PNMA8A: variants seen among roughly 807,000 people sequenced by gnomAD.
PNMA8A encodes the protein PNMA family member 8A.
In PNMA8A, 17 loss-of-function variants were observed where a neutral mutation model predicts 26.6. That is an observed-to-expected ratio of 0.64 (90% CI 0.44 to 0.96). The LOEUF (loss-of-function observed/expected upper bound fraction) is 0.96. Among genes scored for constraint, PNMA8A ranks in the 40% least tolerant of loss-of-function variants. PNMA8A has a pLI of 0.00. For synonymous variants in PNMA8A, 224 were observed against 182.0 expected (o/e 1.23, Z -1.86); for missense variants, 532 against 488.4 (o/e 1.09, Z -0.84).
chr19:46,471,270 A>C, intron 1 of PNMA8A, 67 bp downstream of exon 1: 2 of 425,100 alleles, frequency 4.7e-6, no homozygotes, highest in Non-Finnish European at 4.2e-6. Flanking sequence ...GTGTCCCTGA[A>C]TCTGCAGCAA....
Position 46,466,535 on chromosome 19 carries a change from G to A in PNMA8A, c.*2026C>T, listed in dbSNP as rs1003684111. On this transcript the variant is annotated 3_prime_UTR_variant, in exon 3 of 3. Coordinates refer to ENST00000313683, the MANE Select transcript of PNMA8A (RefSeq NM_018215.4). ...GCTAAACTTTATTTTATACATACAC[G>A]TTTACATTTACTAGTCATGGTGTCA... 4 of 152,060 alleles carry A rather than the reference G, an allele frequency of 2.6e-5. No individual in the cohort carries two copies. The highest frequency in any genetic ancestry group is 2.1e-4 in the South Asian group (1 of 4,828). The allele number at this position is 152,060 out of a possible 1,614,324, so 9.4% of individuals were successfully genotyped here. A position where few individuals can be genotyped will look rare whatever the true frequency, so the allele number is the denominator to read the frequency against.
chr19:46,469,627 T>C (rs1969753565), intron 2 of PNMA8A, 106 bp downstream of exon 2: 3 of 1,292,296 alleles, frequency 2.3e-6, no homozygotes, highest in Non-Finnish European at 3.1e-6. Flanking sequence ...CATCACCCGC[T>C]TGACCCACCA....
At position 46,470,232 on chromosome 19, in the gene PNMA8A, T is replaced by C. The variant is rs201910769; in HGVS notation, c.804A>G (p.Thr268=). ...CCACCTCAGGATCCTCCAAGTTAGC[T>C]GTGCTGTTGGAATTGATGCCTTTGG... is the stretch of plus-strand genomic sequence containing the variant. ...KKPKGINSNS[T]ANLEDPEVGD... Residue 268 remains threonine, a synonymous_variant, in exon 2 of 3, where the codon ACA becomes ACG. Coordinates refer to ENST00000313683, the MANE Select transcript of PNMA8A (RefSeq NM_018215.4). The C allele has an allele frequency of 1.2e-6, 2 of 1,614,156 alleles. No homozygotes were observed. The highest frequency in any genetic ancestry group is 4.5e-5 in the East Asian group (2 of 44,886).
In PNMA8A at chr19:46,470,543, C is replaced by G; in HGVS notation, c.493G>C (p.Asp165His). Residue 165 changes from aspartate to histidine, a missense_variant, in exon 2 of 3, where the codon GAT becomes CAT. Physicochemically the swap from Asp to His is moderately conservative, Grantham distance 81. Transcript: ENST00000313683. ...TCCTCCCGGCTGCGGATCTCGGCATCCATGCAGAAGATGATCTGCACCACT... is the reference window on the plus strand; with the variant it reads ...TCCTCCCGGCTGCGGATCTCGGCATGCATGCAGAAGATGATCTGCACCACT... Reference protein sequence around the residue: ...GAVVQIIFCMDAEIRSREEAR... With the variant: ...GAVVQIIFCMHAEIRSREEAR... 1.2e-6 allele frequency: 2 copies of G among 1,614,074 alleles called. No homozygotes were observed. Among genetic ancestry groups the G allele is most frequent in the Non-Finnish European group, 1.7e-6 (2 of 1,180,032 alleles).
rs1236712591 is a variant in PNMA8A, at chr19:46,468,253, T to C, written c.*308A>G. On this transcript the variant is annotated 3_prime_UTR_variant, in exon 3 of 3. Coordinates refer to ENST00000313683, the MANE Select transcript of PNMA8A (RefSeq NM_018215.4). ...ATGAGTGTAACAGTGACCCTGCTCA[T>C]GCATAAAGGGGAATGAATGTTCTAG... 2 of 401,894 alleles carry C rather than the reference T, an allele frequency of 5.0e-6. No individual in the cohort carries two copies. The highest frequency in any genetic ancestry group is 2.0e-5 in the African/African-American group (1 of 50,160). The allele number at this position is 401,894 out of a possible 1,614,324, so 24.9% of individuals were successfully genotyped here.
Position 46,470,728 on chromosome 19 carries a change from T to C in PNMA8A, c.308A>G (p.Asp103Gly). The change falls in exon 2 of 3, where the codon GAT (aspartate) becomes GGT (glycine). Residue 103 changes from aspartate (D) to glycine (G), a missense_variant. Asp to Gly is a moderately conservative substitution (Grantham distance 94, BLOSUM62 -1). Transcript: ENST00000313683. ...ATTCAGATTTTTTAAAAACTCGGCA[T>C]CCTGGGTAGGGTCTCTACAGACCAC... ...WRVVCRDPTQ[D>G]AEFLKNLNEF... The C allele has an allele frequency of 1.1e-6, 1 of 893,924 alleles. No homozygotes were observed. Among genetic ancestry groups the C allele is most frequent in the Non-Finnish European group, 1.9e-6 (1 of 521,332 alleles). The allele number at this position is 893,924 out of a possible 1,614,324, so 55.4% of individuals were successfully genotyped here.
chr19:46,469,648 C>A, intron 2 of PNMA8A, 85 bp downstream of exon 2: 1 of 1,421,908 alleles, frequency 7.0e-7, no homozygotes. Flanking sequence ...CCTCCTCGGG[C>A]TCCTCTGCCC....
chr19:46,471,229 T>G (rs1969789134), intron 1 of PNMA8A, 108 bp downstream of exon 1: 2 of 523,170 alleles, frequency 3.8e-6, no homozygotes, highest in African/African-American at 1.9e-5. Flanking sequence ...CCCAACACCC[T>G]CCTCCCCAAC....
rs1181942999 is a variant in PNMA8A, at chr19:46,469,978, A to C, written c.1058T>G (p.Val353Gly). ...CATGGGAGCGGGGTTCTTGGCAGAC[A>C]CCCAGGCCACGGCCTTCTTCTTTGG... is the stretch of plus-strand genomic sequence containing the variant. ...SPPKKKAVAW[V>G]SAKNPAPMRK... is the part of the protein sequence containing the mutation. Residue 353 changes from valine (V) to glycine (G), a missense_variant, in exon 2 of 3, where the codon GTG becomes GGG. Val to Gly is a moderately radical substitution (Grantham distance 109). Coordinates refer to ENST00000313683, the MANE Select transcript of PNMA8A (RefSeq NM_018215.4). The C allele has an allele frequency of 7.4e-6, 12 of 1,611,446 alleles. No individual in the cohort carries two copies. The highest frequency in any genetic ancestry group is 1.0e-5 in the Non-Finnish European group (12 of 1,178,904).
Position 46,471,345 on chromosome 19 carries a change from T to C in PNMA8A, c.-88A>G, listed in dbSNP as rs6509275. 0.97 allele frequency: 233,581 copies of C among 239,930 alleles called. 113,744 individuals are homozygous for C. The highest frequency in any genetic ancestry group is 1 in the East Asian group (12,282 of 12,284). 14.9% of individuals were successfully genotyped at this position (239,930 alleles called of 1,614,324 possible). ...GCCCAGCCGGGACTTACTTGGCAGA[T>C]CAGCCTCCGACCGCCCAGCCAGGCC... On this transcript the variant is annotated 5_prime_UTR_variant, in exon 1 of 3. Transcript: ENST00000313683.
In PNMA8A at chr19:46,470,520, C is replaced by A. The variant is rs777561203; in HGVS notation, c.516G>T (p.Glu172Asp). The change falls in exon 2 of 3, where the codon GAG becomes GAT. Residue 172 changes from glutamate to aspartate, a missense_variant. Transcript: ENST00000313683. ...CAGCGGCCTCCTGGGCCCTGGCTTC[C>A]TCCCGGCTGCGGATCTCGGCATCCA... Reference protein sequence around the residue: ...FCMDAEIRSREEARAQEAAEF... With the variant: ...FCMDAEIRSRDEARAQEAAEF... 6 of 1,613,996 alleles carry A rather than the reference C, an allele frequency of 3.7e-6. No homozygotes were observed. In the South Asian group the frequency reaches 6.6e-5, roughly 18 times the overall value.
At position 46,470,880 on chromosome 19, in the gene PNMA8A, C is replaced by T. The variant is rs1439357969; in HGVS notation, c.156G>A (p.Pro52=). 5.1e-6 allele frequency: 4 copies of T among 781,006 alleles called. No individual in the cohort carries two copies. Among genetic ancestry groups the T allele is most frequent in the South Asian group, 2.7e-5 (2 of 74,618 alleles). 48.4% of individuals were successfully genotyped at this position (781,006 alleles called of 1,614,324 possible). ...TLNGVLSPLG[P]YRVLNKIFVR... ...CAAAAATCTTGTTGAGCACGCGGTACGGGCCCAGTGGGGAGAGGACCCCAT... is the reference window on the plus strand; with the variant it reads ...CAAAAATCTTGTTGAGCACGCGGTATGGGCCCAGTGGGGAGAGGACCCCAT... Residue 52 remains proline, a synonymous_variant, in exon 2 of 3, where the codon CCG becomes CCA. Transcript: ENST00000313683.
chr19:46,470,469 AGCCCAGGCT>A lies in PNMA8A; in HGVS notation c.558_566del (p.Ala187_Ala189del). Reference sequence around the variant, plus strand: ...TCTTCACCTTCCTCCCTGCTGCTAAAGCCCAGGCTGCCATCTCCTCGAATTCAGCGGCCT... The same window carrying A: ...TCTTCACCTTCCTCCCTGCTGCTAAAGCCATCTCCTCGAATTCAGCGGCCT... On this transcript the variant is annotated inframe_deletion, in exon 2 of 3. Coordinates refer to ENST00000313683, the MANE Select transcript of PNMA8A (RefSeq NM_018215.4). The A allele has an allele frequency of 6.2e-7, 1 of 1,613,898 alleles. No homozygotes were observed.
Position 46,468,649 on chromosome 19 carries a change from G to T in PNMA8A, c.1304-72C>A. ...TCATTAGGAAATGCATTACTTCCAA[G>T]AAATTTCTGGGTCCCTGAACATTTC... is the stretch of plus-strand genomic sequence containing the variant. On this transcript the variant is annotated intron_variant, in intron 2 of 2. Transcript: ENST00000313683. 3.8e-6 allele frequency: 5 copies of T among 1,302,262 alleles called. No homozygotes were observed. In the South Asian group the frequency reaches 4.8e-5, roughly 12 times the overall value. The allele number at this position is 1,302,262 out of a possible 1,614,324, so 80.7% of individuals were successfully genotyped here.
rs774152032 is a variant in PNMA8A, at chr19:46,469,997, T to A, written c.1039A>T (p.Lys347Ter). 6.2e-7 allele frequency: 1 copy of A among 1,605,266 alleles called. No individual in the cohort carries two copies. Among genetic ancestry groups the A allele is most frequent in the Admixed American group, 1.7e-5 (1 of 58,000 alleles). The change falls in exon 2 of 3, where the codon AAG becomes TAG. Residue 347 changes from lysine (K) to a stop codon, truncating the protein, a stop_gained. Coordinates refer to ENST00000313683, the MANE Select transcript of PNMA8A (RefSeq NM_018215.4). LOFTEE classifies it high-confidence loss of function. ...GCAGACACCCAGGCCACGGCCTTCT[T>A]CTTTGGTGGGCTTTCATGGCCACCA... ...QDGGHESPPK[K>*]KAVAWVSAKN...
chr19:46,471,041 G>A lies in PNMA8A; in HGVS notation c.-6C>T, dbSNP rs772640849. ...ATCGCCATGGTCTTGGACATTTAGC[G>A]GCTCTGAACCTACTATGTGTAGTAA... is the stretch of plus-strand genomic sequence containing the variant. On this transcript the variant is annotated 5_prime_UTR_variant, in exon 2 of 3. Coordinates refer to ENST00000313683, the MANE Select transcript of PNMA8A (RefSeq NM_018215.4). The A allele has an allele frequency of 3.3e-5, 25 of 756,200 alleles. No homozygotes were observed. The highest frequency in any genetic ancestry group is 8.9e-5 in the Admixed American group (5 of 56,492). 46.8% of individuals were successfully genotyped at this position (756,200 alleles called of 1,614,324 possible). A position where few individuals can be genotyped will look rare whatever the true frequency, so the allele number is the denominator to read the frequency against.
chr19:46,470,748 G>T lies in PNMA8A; in HGVS notation c.288C>A (p.Val96=). Residue 96 remains valine, a synonymous_variant, in exon 2 of 3, where the codon GTC becomes GTA. Transcript: ENST00000313683. The part of the protein sequence containing the change: ...FPGRGGVWRV[V]CRDPTQDAEF... ...CGGCATCCTGGGTAGGGTCTCTACA[G>T]ACCACTCTCCAGACACCACCCCTTC... 1.2e-6 allele frequency: 1 copy of T among 817,024 alleles called. No homozygotes were observed. Among genetic ancestry groups the T allele is most frequent in the Non-Finnish European group, 2.2e-6 (1 of 451,130 alleles). 50.6% of individuals were successfully genotyped at this position (817,024 alleles called of 1,614,324 possible).
In PNMA8A at chr19:46,470,569, G is replaced by A. The variant is rs1263807462; in HGVS notation, c.467C>T (p.Ala156Val). 1.9e-6 allele frequency: 3 copies of A among 1,613,894 alleles called. No individual in the cohort carries two copies. The highest frequency in any genetic ancestry group is 1.7e-5 in the Admixed American group (1 of 60,000). ...WAEALGVLLGAVVQIIFCMDA... is the reference protein window; with the variant it reads ...WAEALGVLLGVVVQIIFCMDA... ...CATGCAGAAGATGATCTGCACCACT[G>A]CTCCCAGAAGCACCCCCAGAGCTTC... The change falls in exon 2 of 3, where the codon GCA (alanine) becomes GTA (valine). Residue 156 changes from alanine to valine, a missense_variant. Coordinates refer to ENST00000313683, the MANE Select transcript of PNMA8A (RefSeq NM_018215.4).
chr19:46,468,638 A>G, intron 2 of PNMA8A, 61 bp from the exon 3 acceptor site: 3 of 1,398,428 alleles, frequency 2.1e-6, no homozygotes, highest in Non-Finnish European at 3.0e-6. Context: ...TAGGAAATGC[A>G]TTACTTCCAA....
Sources: gnomAD v4.1 joint callset for allele counts on GRCh38, gnomAD v4.1.1 for gene constraint, MANE v1.5 for transcripts, NCBI Gene and HGNC (gene_info 2026-07-23, HGNC 2026-07-21) for gene names.